PITRM1: variants seen among roughly 807,000 people sequenced by gnomAD.
PITRM1 encodes the protein presequence protease, mitochondrial.
A neutral mutation model predicts 129.9 loss-of-function variants in PITRM1; 100 were observed. The ratio of observed to expected loss-of-function variants is 0.77; its 90% CI spans 0.65 to 0.91. The LOEUF (loss-of-function observed/expected upper bound fraction) is 0.91, where lower values mean the gene tolerates loss of function less well. PITRM1 is among the 40% of genes least tolerant of loss of function. The probability of loss-of-function intolerance (pLI) is 0.00; values close to 1 mark genes in which losing one functional copy is unlikely to be tolerated. For missense variants in PITRM1, 1,471 were observed against 1,318.3 expected (o/e 1.12, Z -1.79); for synonymous variants, 591 against 508.8 (o/e 1.16, Z -2.17).
rs1459715194 is a variant in PITRM1 at position 3,147,742 on chromosome 10, G to A, written c.2070-5C>T. On this transcript the variant is annotated splice_polypyrimidine_tract_variant and splice_region_variant and intron_variant, in intron 18 of 26. Coordinates refer to ENST00000224949, the MANE Select transcript of PITRM1 (RefSeq NM_014889.4). ...TCCTCTTCTTCAAAGCACGGGCTAT[G>A]GAAAAAGGAGAAGAAAAAATTCCTG... The A allele has an allele frequency of 6.4e-7, 1 of 1,566,860 alleles. No individual in the cohort carries two copies. The highest frequency in any genetic ancestry group is 8.6e-7 in the Non-Finnish European group (1 of 1,161,634).
chr10:3,143,870 ACT>A (rs919958097), intron 22 of PITRM1: 3 of 537,644 alleles, frequency 5.6e-6, no homozygotes, highest in South Asian at 1.6e-5. Context: ...GTGTTAAATC[ACT>A]CTACTCCACA....
chr10:3,159,528 A>G (rs1229553082), intron 9 of PITRM1, among the ~76,000 whole-genome samples: 1 of 152,110 alleles, frequency 6.6e-6, no homozygotes, highest in Admixed American at 6.5e-5. Context: ...CCATTCTCAC[A>G]CTCAAAGGGA....
Position 3,137,980 on chromosome 10 carries a change from G to A in PITRM1, c.*51C>T, listed in dbSNP as rs1839711432. 1 of 1,036,348 alleles carries A rather than the reference G, an allele frequency of 9.6e-7. No homozygotes were observed. The highest frequency in any genetic ancestry group is 1.5e-6 in the Non-Finnish European group (1 of 679,294). 64.2% of individuals were successfully genotyped at this position (1,036,348 alleles called of 1,614,324 possible). On this transcript the variant is annotated 3_prime_UTR_variant, in exon 27 of 27. Transcript: ENST00000224949. ...TAGCATTTCTGACTTTTCATATTCA[G>A]CTCGGAGGTGTATTGTCTCGGGCTC...
chr10:3,164,774 C>T (rs1842724380), intron 6 of PITRM1, among the ~76,000 whole-genome samples: 1 of 152,198 alleles, frequency 6.6e-6, no homozygotes, highest in Admixed American at 6.5e-5. Context: ...AAATACTTCT[C>T]ATAACAAAGT....
Position 3,137,813 on chromosome 10 carries a change from T to C in PITRM1, c.*218A>G. On this transcript the variant is annotated 3_prime_UTR_variant, in exon 27 of 27. Transcript: ENST00000224949. ...GCCTGCCAGTACAAAGTGAAAATTC[T>C]ACATGGTGCATCTTTGGCGCTTCAT... is the stretch of plus-strand genomic sequence containing the variant. The C allele has an allele frequency of 1.8e-6, 1 of 554,764 alleles. No homozygotes were observed. The highest frequency in any genetic ancestry group is 2.1e-5 in the South Asian group (1 of 48,336). 34.4% of individuals were successfully genotyped at this position (554,764 alleles called of 1,614,324 possible).
At chr10:3,143,086 G>A (rs1373785481) in intron 23 of PITRM1, 2 of 310,064 alleles carry the variant, frequency 6.5e-6, no homozygotes, top group African/African-American at 2.1e-5. Context: ...ACCTAGAGAT[G>A]AGGTGAGTAC....
chr10:3,138,879 A>ATTC (rs1423689490), intron 25 of PITRM1, 25 bp downstream of exon 25: 5 of 1,611,878 alleles, frequency 3.1e-6, no homozygotes, highest in Non-Finnish European at 4.2e-6. Context: ...GTGGGTTGAG[A>ATTC]TTCTCACTGT....
At chr10:3,145,251 A>G (rs1170731005) in intron 21 of PITRM1, 55 of 249,282 alleles carry the variant, frequency 2.2e-4, no homozygotes, top group East Asian at 8.8e-5. Context: ...CCATGGATTC[A>G]TGAGTCAAAG....
rs1216760767 is a variant in PITRM1, at chr10:3,151,312, G to A, written c.1673C>T (p.Pro558Leu). The A allele has an allele frequency of 5.0e-6, 8 of 1,611,334 alleles. No homozygotes were observed. The highest frequency in any genetic ancestry group is 1.1e-5 in the South Asian group (1 of 90,278). The change falls in exon 15 of 27, where the codon CCA becomes CTA. Residue 558 changes from proline (P) to leucine (L), a missense_variant. Pro to Leu is a moderately conservative substitution (Grantham distance 98). Coordinates refer to ENST00000224949, the MANE Select transcript of PITRM1 (RefSeq NM_014889.4). ...TTCAATATCGGAAACTTTCAACGCT[G>A]GCAGACAAGAGGCATCTTGAGGTTT... is the stretch of plus-strand genomic sequence containing the variant. Reference protein sequence around the residue: ...QSKPQDASCLPALKVSDIEPT... With the variant: ...QSKPQDASCLLALKVSDIEPT...
intron 10 of PITRM1, among the ~76,000 whole-genome samples, 193 bp downstream of exon 10, chr10:3,158,721 T>G (rs2132461870): frequency 6.6e-6 from 1 of 152,346 alleles, no homozygotes; most frequent in Admixed American, 6.5e-5. Context: ...AGTTCCCTGA[T>G]GGGGGCGGCC....
chr10:3,152,606 G>A (rs1841614773), intron 14 of PITRM1, among the ~76,000 whole-genome samples: 1 of 152,240 alleles, frequency 6.6e-6, no homozygotes, highest in Non-Finnish European at 1.5e-5. Flanking sequence ...CCAGCAGCAT[G>A]TGGAGCCCAG....
At chr10:3,162,445 G>T (rs1343439685) in intron 7 of PITRM1, among the ~76,000 whole-genome samples, 3 of 152,198 alleles carry the variant, frequency 2.0e-5, no homozygotes, top group Non-Finnish European at 4.4e-5. Context: ...CCATTAATAG[G>T]TTGATGAGGA....
chr10:3,155,065 A>C (rs935469738), intron 14 of PITRM1, among the ~76,000 whole-genome samples: 3 of 152,070 alleles, frequency 2.0e-5, no homozygotes, highest in African/African-American at 7.2e-5. Flanking sequence ...TGTGCTCCCC[A>C]TCTTCCATAC....
chr10:3,171,775 T>G (rs928697689), intron 1 of PITRM1, among the ~76,000 whole-genome samples: 4 of 152,132 alleles, frequency 2.6e-5, no homozygotes, highest in Admixed American at 6.5e-5. Flanking sequence ...ATGAGATGGC[T>G]CACACCTGTA....
At chr10:3,147,846 T>G in intron 18 of PITRM1, 109 bp from the exon 19 acceptor site, 1 of 1,216,376 alleles carries the variant, frequency 8.2e-7, no homozygotes, top group Non-Finnish European at 1.2e-6. Context: ...CAAAGAAATT[T>G]TATAAGTCCA....
chr10:3,161,650 G>A (rs1461590760), intron 7 of PITRM1, among the ~76,000 whole-genome samples: 3 of 151,584 alleles, frequency 2.0e-5, no homozygotes, highest in Admixed American at 6.6e-5. Flanking sequence ...GGAGCAGGGA[G>A]GGCCCGGCTG....
At chr10:3,157,175 G>A in intron 12 of PITRM1, 111 bp from the exon 13 acceptor site, 1 of 1,007,818 alleles carries the variant, frequency 9.9e-7, no homozygotes. Flanking sequence ...ATATACCACA[G>A]ATGATTGTTT....
chr10:3,141,630 A>C (rs1428469952), intron 23 of PITRM1: 2 of 469,354 alleles, frequency 4.3e-6, no homozygotes, highest in African/African-American at 4.0e-5. Flanking sequence ...CTCCGACAGA[A>C]GGCGGGGCAG....
intron 24 of PITRM1, among the ~76,000 whole-genome samples, chr10:3,139,538 G>A (rs984715558): frequency 1.3e-5 from 2 of 152,224 alleles, no homozygotes; most frequent in Non-Finnish European, 2.9e-5. Flanking sequence ...CTGAGCTGCA[G>A]AGGGGCGGCT....
Sources: gnomAD v4.1 joint callset for allele counts (sites outside exome capture counted in the v4.1 genomes callset) on GRCh38, gnomAD v4.1.1 for gene constraint, MANE v1.5 for transcripts, NCBI Gene and HGNC (gene_info 2026-07-23, HGNC 2026-07-21) for gene names.